The following NRP1 variants were observed in gnomAD, a reference collection of about 807,000 sequenced individuals.
NRP1 encodes the protein neuropilin 1.
NRP1 carries 35 observed loss-of-function variants against 106.7 expected under a neutral mutation model. That is an observed-to-expected ratio of 0.33 (90% CI 0.25 to 0.43). The LOEUF is 0.43. Ranked by LOEUF, NRP1 falls within the 20% of genes least tolerant of loss-of-function variation. NRP1 has a pLI of 1.00. For synonymous variants in NRP1, 437 were observed against 417.9 expected, an observed-to-expected ratio of 1.05 and a Z score of -0.56; for missense variants, 1,024 against 1,170.4, an observed-to-expected ratio of 0.87 and a Z score of 1.83.
chr10:33,299,126 G>A (rs1252403673), intron 2 of NRP1, among the ~76,000 whole-genome samples: 1 of 152,162 alleles, frequency 6.6e-6, no homozygotes, highest in Non-Finnish European at 1.5e-5. Flanking sequence ...CAGAGGAAGT[G>A]TCTAACCCTG....
At chr10:33,235,775 C>T (rs1840506740) in intron 6 of NRP1, among the ~76,000 whole-genome samples, 1 of 152,234 alleles carries the variant, frequency 6.6e-6, no homozygotes, top group Non-Finnish European at 1.5e-5. Flanking sequence ...TAATCAACAT[C>T]TAATGCAATT....
intron 8 of NRP1, among the ~76,000 whole-genome samples, chr10:33,218,047 T>A (rs1034983321): frequency 3.9e-5 from 6 of 152,172 alleles, no homozygotes; most frequent in Non-Finnish European, 7.4e-5. Flanking sequence ...GTGTCTGAGA[T>A]CATCACTGTG....
intron 1 of NRP1, among the ~76,000 whole-genome samples, chr10:33,332,878 A>AGTGT (rs34920873): frequency 0.023 from 3,431 of 150,016 alleles, 56 homozygotes; most frequent in African/African-American, 0.04. Flanking sequence ...AAAACTAAGA[A>AGTGT]GTGTGTGTGT....
intron 12 of NRP1, among the ~76,000 whole-genome samples, chr10:33,196,990 G>T (rs1392166184): frequency 6.6e-6 from 1 of 152,154 alleles, no homozygotes; most frequent in Admixed American, 6.5e-5. Flanking sequence ...ATGTACGTCT[G>T]CCGGGAAGAA....
At chr10:33,280,198 C>T (rs921633847) in intron 2 of NRP1, among the ~76,000 whole-genome samples, 1 of 152,042 alleles carries the variant, frequency 6.6e-6, no homozygotes, top group Admixed American at 6.6e-5. Context: ...GATTTATTGT[C>T]CAGGAAGATT....
In NRP1 at chr10:33,256,386, G is replaced by A; in HGVS notation, c.744C>T (p.Tyr248=). 6.2e-7 allele frequency: 1 copy of A among 1,614,192 alleles called. No homozygotes were observed. Among genetic ancestry groups the A allele is most frequent in the Non-Finnish European group, 8.5e-7 (1 of 1,180,024 alleles). Reference sequence around the variant, plus strand: ...CTTCTTTTGCTATCGCGCTGTCGGTGTAAAAAACCATGGAGAGAATGCCCG... The same window carrying A: ...CTTCTTTTGCTATCGCGCTGTCGGTATAAAAAACCATGGAGAGAATGCCCG... ...SSSGILSMVF[Y]TDSAIAKEGF... The change falls in exon 5 of 17, where the codon TAC becomes TAT. Residue 248 remains tyrosine, a synonymous_variant. Coordinates refer to ENST00000374867, the MANE Select transcript of NRP1 (RefSeq NM_003873.7).
intron 2 of NRP1, among the ~76,000 whole-genome samples, chr10:33,281,761 C>T (rs1048263385): frequency 6.6e-6 from 1 of 152,152 alleles, no homozygotes; most frequent in Non-Finnish European, 1.5e-5. Context: ...CGAAATCATA[C>T]ATGTCATGAC....
chr10:33,267,685 G>T (rs10763920), intron 3 of NRP1, among the ~76,000 whole-genome samples: 32,108 of 151,880 alleles, frequency 0.21, 3,740 homozygotes, highest in East Asian at 0.47. Context: ...TGGGAACAGA[G>T]ATCAGTGGGG....
chr10:33,199,911 G>C (rs1440651884), intron 11 of NRP1, among the ~76,000 whole-genome samples: 1 of 152,142 alleles, frequency 6.6e-6, no homozygotes, highest in African/African-American at 2.4e-5. Flanking sequence ...TGAATCAGAG[G>C]GCCATAAAAT....
chr10:33,211,098 G>A lies in NRP1; in HGVS notation c.1614+2288C>T, dbSNP rs566622540. ...CATCCAATCTTGAATTGAGTATTTT[G>A]TGAAAGTTGAAAGATGTATATTGGC... On this transcript the variant is annotated intron_variant, in intron 9 of 16. Transcript: ENST00000374867. Among the ~76,000 whole-genome samples the A allele has an allele frequency of 2.0e-5, 3 of 152,314 alleles. No individual in the cohort carries two copies. The South Asian group carries it at 6.2e-4, about 32-fold the overall frequency.
At chr10:33,249,742 G>A (rs1488806493) in intron 6 of NRP1, among the ~76,000 whole-genome samples, 4 of 152,168 alleles carry the variant, frequency 2.6e-5, no homozygotes, top group African/African-American at 4.8e-5. Flanking sequence ...GGCTTTTTGA[G>A]CAGGATATGG....
At chr10:33,268,395 G>A (rs1457305173) in intron 3 of NRP1, among the ~76,000 whole-genome samples, 1 of 152,144 alleles carries the variant, frequency 6.6e-6, no homozygotes, top group African/African-American at 2.4e-5. Flanking sequence ...GAGAGTCTTT[G>A]AGACCTTTGG....
At chr10:33,277,853 T>C (rs946083487) in intron 2 of NRP1, among the ~76,000 whole-genome samples, 1 of 152,212 alleles carries the variant, frequency 6.6e-6, no homozygotes, top group Non-Finnish European at 1.5e-5. Flanking sequence ...TTTTCACACA[T>C]ATTTATTTAT....
chr10:33,185,876 C>G, intron 14 of NRP1, 152 bp from the exon 15 acceptor site: 1 of 710,864 alleles, frequency 1.4e-6, no homozygotes, highest in South Asian at 1.8e-5. Context: ...CATTAGCTGC[C>G]TGGTGATGGT....
chr10:33,179,893 C>T lies in NRP1; in HGVS notation c.*183G>A, dbSNP rs575924393. ...GAAAAAAGCTGACTGCACATGAGTC[C>T]GATGGTGAACACAGCTCCTTGTCCA... On this transcript the variant is annotated 3_prime_UTR_variant, in exon 17 of 17. Transcript: ENST00000374867. The T allele has an allele frequency of 1.5e-5, 10 of 655,624 alleles. No individual in the cohort carries two copies. Among genetic ancestry groups the T allele is most frequent in the East Asian group, 5.1e-5 (2 of 38,982 alleles). The allele number at this position is 655,624 out of a possible 1,614,324, so 40.6% of individuals were successfully genotyped here.
chr10:33,309,792 A>G (rs1426209669), intron 2 of NRP1, among the ~76,000 whole-genome samples: 10 of 152,130 alleles, frequency 6.6e-5, no homozygotes, highest in Admixed American at 3.9e-4. Flanking sequence ...ACGAAAAGTC[A>G]ATTTCTACAG....
chr10:33,231,077 G>C (rs1840086977), intron 6 of NRP1, among the ~76,000 whole-genome samples: 1 of 152,088 alleles, frequency 6.6e-6, no homozygotes, highest in South Asian at 2.1e-4. Flanking sequence ...GCCTTTTCTA[G>C]CTGCATGTCT....
intron 16 of NRP1, among the ~76,000 whole-genome samples, 177 bp downstream of exon 16, chr10:33,182,521 G>A (rs1247971447): frequency 6.6e-6 from 1 of 152,172 alleles, no homozygotes; most frequent in Non-Finnish European, 1.5e-5. Context: ...CAGCTCGGAA[G>A]TGGGTACTCT....
At chr10:33,254,254 CTTTTTT>C in intron 5 of NRP1, 60 bp from the exon 6 acceptor site, 1 of 1,437,658 alleles carries the variant, frequency 7.0e-7, no homozygotes, top group Non-Finnish European at 9.4e-7. Flanking sequence ...ATGCATTTTT[CTTTTTT>C]AACTTGATAC....
Sources: allele counts gnomAD v4.1 joint callset (sites outside exome capture counted in the v4.1 genomes callset), GRCh38; gene constraint gnomAD v4.1.1; transcripts MANE v1.5; gene names NCBI Gene and HGNC (gene_info 2026-07-23, HGNC 2026-07-21).